ADCY8: variants seen among roughly 807,000 people sequenced by gnomAD.
ADCY8 encodes adenylate cyclase 8.
In ADCY8, 51 loss-of-function variants were observed where a neutral mutation model predicts 119.7. The observed-to-expected ratio is 0.43, with a 90% CI of 0.34 to 0.54. ADCY8 has a LOEUF of 0.54. Ranked by LOEUF, ADCY8 falls within the 20% of genes least tolerant of loss-of-function variation. The pLI is 0.03. For synonymous variants in ADCY8, 665 were observed against 651.0 expected (o/e 1.02, Z -0.33); for missense variants, 1,383 against 1,598.8 (o/e 0.87, Z 2.30).
intron 2 of ADCY8, among the ~76,000 whole-genome samples, chr8:130,952,418 C>T (rs1272323096): frequency 2.0e-5 from 3 of 152,114 alleles, no homozygotes; most frequent in African/African-American, 4.8e-5. Context: ...AAATTGAGAC[C>T]TGAAAATTTG....
intron 3 of ADCY8, among the ~76,000 whole-genome samples, chr8:130,948,108 C>A (rs1268850784): frequency 6.6e-6 from 1 of 152,126 alleles, no homozygotes; most frequent in African/African-American, 2.4e-5. Flanking sequence ...ATGGTAGTTA[C>A]AAAACAAAGG....
At chr8:130,975,192 T>C (rs1822035373) in intron 2 of ADCY8, among the ~76,000 whole-genome samples, 1 of 152,192 alleles carries the variant, frequency 6.6e-6, no homozygotes, top group Non-Finnish European at 1.5e-5. Context: ...AAAAATCCTT[T>C]CTAAAATTCA....
At chr8:131,021,091 T>C (rs1237345888) in intron 1 of ADCY8, among the ~76,000 whole-genome samples, 1 of 152,216 alleles carries the variant, frequency 6.6e-6, no homozygotes, top group African/African-American at 2.4e-5. Flanking sequence ...ATAGTTAATG[T>C]TAATTTATTG....
intron 3 of ADCY8, among the ~76,000 whole-genome samples, chr8:130,945,926 C>T (rs570569080): frequency 3.9e-5 from 6 of 152,276 alleles, no homozygotes; most frequent in African/African-American, 1.2e-4. Context: ...CTGAGGCCTA[C>T]GTATCTTGCC....
intron 8 of ADCY8, among the ~76,000 whole-genome samples, chr8:130,869,139 T>C (rs562082899): frequency 6.6e-6 from 1 of 152,346 alleles, no homozygotes; most frequent in South Asian, 2.1e-4. Context: ...GTTCAGAGAC[T>C]GCACAGTTAT....
At chr8:131,027,638 T>C (rs1823862462) in intron 1 of ADCY8, among the ~76,000 whole-genome samples, 1 of 152,098 alleles carries the variant, frequency 6.6e-6, no homozygotes, top group South Asian at 2.1e-4. Context: ...TTGTTACTTG[T>C]TGGGGTTGGG....
rs116049645 is a variant in ADCY8, at chr8:130,792,884, G to A, written c.3061-7409C>T. Among the ~76,000 whole-genome samples, 1,341 of 152,216 alleles carry A rather than the reference G, an allele frequency of 8.8e-3. 15 individuals are homozygous for A. The highest frequency in any genetic ancestry group is 0.031 in the African/African-American group (1,274 of 41,534). ...CCAAAGCCTTTGCTCTGGTCCATGA[G>A]GTCCTGTAATATTTGGCACTCTGGC... On this transcript the variant is annotated intron_variant, in intron 15 of 17. Coordinates refer to ENST00000286355, the MANE Select transcript of ADCY8 (RefSeq NM_001115.3).
At chr8:130,912,562 A>G (rs143504644) in intron 5 of ADCY8, among the ~76,000 whole-genome samples, 1 of 152,352 alleles carries the variant, frequency 6.6e-6, no homozygotes, top group Non-Finnish European at 1.5e-5. Context: ...TGAATGAATG[A>G]TTCCATGTAC....
chr8:130,956,126 C>T (rs1479932237), intron 2 of ADCY8, among the ~76,000 whole-genome samples: 1 of 152,124 alleles, frequency 6.6e-6, no homozygotes, highest in Non-Finnish European at 1.5e-5. Flanking sequence ...GCCTGGTCAA[C>T]AGAGAAAGAC....
chr8:130,792,358 G>A (rs1362383235), intron 15 of ADCY8, among the ~76,000 whole-genome samples: 2 of 152,100 alleles, frequency 1.3e-5, no homozygotes, highest in African/African-American at 4.8e-5. Context: ...ATTTCCTTGT[G>A]GTATCATCAT....
At chr8:131,000,520 T>C (rs918353640) in intron 1 of ADCY8, among the ~76,000 whole-genome samples, 1 of 152,224 alleles carries the variant, frequency 6.6e-6, no homozygotes, top group African/African-American at 2.4e-5. Flanking sequence ...TTAATTCATT[T>C]AGTCTTCACA....
At chr8:130,788,039 T>C (rs1251423246) in intron 15 of ADCY8, among the ~76,000 whole-genome samples, 1 of 152,252 alleles carries the variant, frequency 6.6e-6, no homozygotes, top group African/African-American at 2.4e-5. Flanking sequence ...CTTGGTGTTA[T>C]GCACCAAGAA....
intron 1 of ADCY8, among the ~76,000 whole-genome samples, chr8:131,039,107 G>A (rs1321896631): frequency 6.6e-6 from 1 of 152,210 alleles, no homozygotes; most frequent in Non-Finnish European, 1.5e-5. Context: ...GCAGAAAGCA[G>A]ACTTTCTTAG....
chr8:130,891,094 A>G (rs1472787726), intron 7 of ADCY8, among the ~76,000 whole-genome samples: 1 of 152,132 alleles, frequency 6.6e-6, no homozygotes, highest in Non-Finnish European at 1.5e-5. Flanking sequence ...AGAAGTAGGT[A>G]GGGCCAGTAG....
At chr8:130,818,290 G>A (rs999793838) in intron 13 of ADCY8, among the ~76,000 whole-genome samples, 1 of 152,124 alleles carries the variant, frequency 6.6e-6, no homozygotes, top group African/African-American at 2.4e-5. Flanking sequence ...TATCACACCT[G>A]GAAGTTACTG....
chr8:130,889,950 A>C (rs1276553931), intron 7 of ADCY8, among the ~76,000 whole-genome samples: 2 of 152,078 alleles, frequency 1.3e-5, no homozygotes, highest in Non-Finnish European at 2.9e-5. Flanking sequence ...TGTCCTTATC[A>C]CCATTACTAT....
intron 1 of ADCY8, among the ~76,000 whole-genome samples, chr8:131,004,494 T>A (rs1823053572): frequency 6.6e-6 from 1 of 152,222 alleles, no homozygotes; most frequent in Admixed American, 6.5e-5. Flanking sequence ...TTTTTTGATC[T>A]CTCGACCTGT....
chr8:130,792,140 A>G (rs949946795), intron 15 of ADCY8, among the ~76,000 whole-genome samples: 42 of 152,232 alleles, frequency 2.8e-4, no homozygotes, highest in Non-Finnish European at 3.8e-4. Flanking sequence ...CTCTTGGGCT[A>G]CCAGCAGCAC....
intron 11 of ADCY8, 119 bp from the exon 12 acceptor site, chr8:130,836,568 G>C: frequency 9.2e-7 from 1 of 1,091,034 alleles, no homozygotes; most frequent in Non-Finnish European, 1.3e-6. Context: ...AGGTCTCAAG[G>C]CCTCCTGAAA....
Sources: allele counts gnomAD v4.1 joint callset (sites outside exome capture counted in the v4.1 genomes callset), GRCh38; gene constraint gnomAD v4.1.1; transcripts MANE v1.5; gene names NCBI Gene and HGNC (gene_info 2026-07-23, HGNC 2026-07-21).